Variants in EIPR1 observed in about 807,000 individuals in gnomAD.
EIPR1 encodes the protein EARP and GARP complex-interacting protein 1.
In EIPR1, 25 loss-of-function variants were observed where a neutral mutation model predicts 48.1. That is an observed-to-expected ratio of 0.52 (90% CI 0.38 to 0.73). EIPR1 has a LOEUF of 0.73. EIPR1 is among the 30% of genes least tolerant of loss of function. The probability of loss-of-function intolerance (pLI) is 0.00; values close to 1 mark genes in which losing one functional copy is unlikely to be tolerated. For missense variants in EIPR1, 415 were observed against 506.2 expected (o/e 0.82, Z 1.73); for synonymous variants, 204 against 201.9 (o/e 1.01, Z -0.09).
chr2:3,291,596 A>G (rs770493406), intron 3 of EIPR1, among the ~76,000 whole-genome samples: 11 of 152,216 alleles, frequency 7.2e-5, no homozygotes, highest in Non-Finnish European at 1.5e-4. Flanking sequence ...TTTAAATTCA[A>G]TCTGCATCCA....
chr2:3,362,671 G>GA (rs1457182854), intron 1 of EIPR1, among the ~76,000 whole-genome samples: 2 of 150,342 alleles, frequency 1.3e-5, no homozygotes, highest in South Asian at 2.1e-4. Flanking sequence ...AAAAGGAGAA[G>GA]AAAAAACAGA....
At chr2:3,250,254 T>C (rs1480187666) in intron 4 of EIPR1, among the ~76,000 whole-genome samples, 3 of 152,166 alleles carry the variant, frequency 2.0e-5, no homozygotes, top group Non-Finnish European at 4.4e-5. Context: ...GGGAGCCCAA[T>C]CCTCACACCA....
Position 3,317,842 on chromosome 2 carries a change from C to G in EIPR1, c.259+20175G>C, listed in dbSNP as rs1287761945. On this transcript the variant is annotated intron_variant, in intron 3 of 8. Coordinates refer to ENST00000382125, the MANE Select transcript of EIPR1 (RefSeq NM_003310.5). The stretch of plus-strand genomic sequence containing the variant: ...ACGGTGAGAAGGGACCGATGGCAGG[C>G]CCAGAGCATAGCCTCAGGAGGACCA... 3.3e-5 allele frequency among the ~76,000 whole-genome samples: 5 copies of G among 152,294 alleles called. No individual in the cohort carries two copies. The South Asian group carries it at 1.0e-3, about 32-fold the overall frequency.
At chr2:3,226,966 G>GT (rs1475655398) in intron 4 of EIPR1, among the ~76,000 whole-genome samples, 1 of 152,236 alleles carries the variant, frequency 6.6e-6, no homozygotes, top group East Asian at 1.9e-4. Flanking sequence ...CTGTGGAACT[G>GT]TAAGTCCATT....
At chr2:3,288,891 C>T (rs775209490) in intron 3 of EIPR1, among the ~76,000 whole-genome samples, 1 of 152,238 alleles carries the variant, frequency 6.6e-6, no homozygotes, top group East Asian at 1.9e-4. Flanking sequence ...GTGATGGCCT[C>T]GGCAACGCCC....
chr2:3,289,784 G>A (rs1281186255), intron 3 of EIPR1, among the ~76,000 whole-genome samples: 2 of 152,204 alleles, frequency 1.3e-5, no homozygotes, highest in South Asian at 2.1e-4. Flanking sequence ...GAACGCCAGC[G>A]GCCCCCAGCC....
intron 3 of EIPR1, among the ~76,000 whole-genome samples, chr2:3,326,687 C>T (rs999677545): frequency 6.6e-6 from 1 of 152,196 alleles, no homozygotes; most frequent in Non-Finnish European, 1.5e-5. Flanking sequence ...CAGGACACTG[C>T]AGTACCTAAG....
chr2:3,340,749 G>A (rs111513021), intron 2 of EIPR1, among the ~76,000 whole-genome samples: 1 of 152,062 alleles, frequency 6.6e-6, no homozygotes, highest in Non-Finnish European at 1.5e-5. Context: ...GAATTTTCAC[G>A]GCAGATATAT....
chr2:3,298,248 T>C (rs1668660862), intron 3 of EIPR1: 1 of 152,232 alleles, frequency 6.6e-6, no homozygotes, highest in South Asian at 2.1e-4. Context: ...CGGGGTTTTA[T>C]TTATATGTCT....
chr2:3,371,355 G>A (rs1671110816), intron 1 of EIPR1, among the ~76,000 whole-genome samples: 1 of 151,850 alleles, frequency 6.6e-6, no homozygotes, highest in Admixed American at 6.6e-5. Flanking sequence ...CCAGCTAACA[G>A]CATGACAGGA....
chr2:3,291,727 T>A (rs1227294821), intron 3 of EIPR1, among the ~76,000 whole-genome samples: 1 of 152,184 alleles, frequency 6.6e-6, no homozygotes, highest in African/African-American at 2.4e-5. Context: ...ATAATAGACG[T>A]GGAAGTTATT....
chr2:3,268,382 G>T (rs573585111), intron 3 of EIPR1, among the ~76,000 whole-genome samples: 4 of 152,284 alleles, frequency 2.6e-5, no homozygotes, highest in South Asian at 4.2e-4. Context: ...GCAGCCTCCT[G>T]CCAATCCAGC....
intron 3 of EIPR1, among the ~76,000 whole-genome samples, chr2:3,284,093 G>A (rs1668102255): frequency 1.3e-5 from 2 of 152,192 alleles, no homozygotes; most frequent in Admixed American, 1.3e-4. Context: ...GAGCCCACAG[G>A]CACAGAAGGC....
At chr2:3,219,697 C>T (rs938653695) in intron 4 of EIPR1, among the ~76,000 whole-genome samples, 1 of 151,682 alleles carries the variant, frequency 6.6e-6, no homozygotes, top group Non-Finnish European at 1.5e-5. Context: ...CCCAACACAA[C>T]CCTGGTATAC....
At chr2:3,220,868 A>G (rs1665864467) in intron 4 of EIPR1, among the ~76,000 whole-genome samples, 1 of 146,430 alleles carries the variant, frequency 6.8e-6, no homozygotes, top group African/African-American at 2.6e-5. Context: ...GCAATGGCCG[A>G]GGTACACTCT....
Position 3,228,583 on chromosome 2 carries a change from C to T in EIPR1, c.417-14335G>A, listed in dbSNP as rs58411661. Among the ~76,000 whole-genome samples, 111 of 152,218 alleles carry T rather than the reference C, an allele frequency of 7.3e-4. 1 individual carries two copies. Among genetic ancestry groups the T allele is most frequent in the South Asian group, 3.1e-3 (15 of 4,824 alleles). On this transcript the variant is annotated intron_variant, in intron 4 of 8. Coordinates refer to ENST00000382125, the MANE Select transcript of EIPR1 (RefSeq NM_003310.5). ...ATGATTGTGTTTTGAAATGTGAGGA[C>T]GTAAGATCTGGGAGGCGGAAGGCGC...
In EIPR1 at chr2:3,336,835, AGG is replaced by A. The variant is rs1558306840; in HGVS notation, c.259+1180_259+1181del. Among the ~76,000 whole-genome samples, 591 of 145,496 alleles carry A rather than the reference AGG, an allele frequency of 4.1e-3. 71 individuals are homozygous for A. Among genetic ancestry groups the A allele is most frequent in the Non-Finnish European group, 5.6e-3 (368 of 65,860 alleles). ...GGAAAAGAAAAGAAAAGGGAAGGGA[AGG>A]GAAAGGAAGGGAAAAGGGAAGGGAA... On this transcript the variant is annotated intron_variant, in intron 3 of 8. Coordinates refer to ENST00000382125, the MANE Select transcript of EIPR1 (RefSeq NM_003310.5).
Position 3,287,035 on chromosome 2 carries a change from C to T in EIPR1, c.260-29580G>A, listed in dbSNP as rs537981582. On this transcript the variant is annotated intron_variant, in intron 3 of 8. Transcript: ENST00000382125. ...GGTGGGGAGCACACAGAGTGCCAGC[C>T]GGCAGAGGCGGCGGTGGGGAGCACA... Among the ~76,000 whole-genome samples the T allele has an allele frequency of 2.1e-3, 319 of 148,542 alleles. 5 individuals are homozygous for T. Among genetic ancestry groups the T allele is most frequent in the African/African-American group, 7.6e-3 (304 of 39,766 alleles).
intron 4 of EIPR1, among the ~76,000 whole-genome samples, chr2:3,248,114 A>G (rs901940776): frequency 6.6e-6 from 1 of 152,072 alleles, no homozygotes; most frequent in African/African-American, 2.4e-5. Flanking sequence ...GTGGTGAGTG[A>G]GTTCTCGCTC....
Sources: gnomAD v4.1 joint callset for allele counts (sites outside exome capture counted in the v4.1 genomes callset) on GRCh38, gnomAD v4.1.1 for gene constraint, MANE v1.5 for transcripts, NCBI Gene and HGNC (gene_info 2026-07-23, HGNC 2026-07-21) for gene names.